The following ANK3 variants were observed in gnomAD, a reference collection of about 807,000 sequenced individuals.
The protein encoded by ANK3 is ankyrin 3, also known as ankyrin-3.
In ANK3, 57 loss-of-function variants were observed where a neutral mutation model predicts 370.9. The ratio of observed to expected loss-of-function variants is 0.15; its 90% CI spans 0.12 to 0.19. The LOEUF is 0.19. ANK3 is among the 10% of genes least tolerant of loss of function. The probability of loss-of-function intolerance (pLI) is 1.00; values close to 1 mark genes in which losing one functional copy is unlikely to be tolerated. For synonymous variants in ANK3, 1,929 were observed against 1,946.3 expected, an observed-to-expected ratio of 0.99 and a Z score of 0.23; for missense variants, 4,439 against 5,302.1, an observed-to-expected ratio of 0.84 and a Z score of 5.06.
intron 2 of ANK3, among the ~76,000 whole-genome samples, chr10:60,591,076 G>C (rs959316145): frequency 3.9e-5 from 6 of 152,076 alleles, no homozygotes; most frequent in African/African-American, 1.4e-4. Context: ...CACAGGGGTA[G>C]CAGCAGGTTA....
chr10:60,179,182 C>A (rs2096069245), intron 18 of ANK3, among the ~76,000 whole-genome samples: 1 of 152,170 alleles, frequency 6.6e-6, no homozygotes, highest in Admixed American at 6.5e-5. Flanking sequence ...AATTAAGCAG[C>A]AAATGCAAGC....
chr10:60,449,684 T>G (rs983349498), intron 2 of ANK3, among the ~76,000 whole-genome samples: 6 of 152,258 alleles, frequency 3.9e-5, no homozygotes, highest in African/African-American at 1.4e-4. Flanking sequence ...TTTCACAGAG[T>G]TGATGGGACA....
intron 2 of ANK3, among the ~76,000 whole-genome samples, chr10:60,492,706 C>CAAAAAAAAAAAAAAAAAA (rs764367710): frequency 1.0e-4 from 6 of 57,528 alleles, no homozygotes; most frequent in African/African-American, 4.5e-4. Context: ...GACTCTGTCT[C>CAAAAAAAAAAAAAAAAAA]AAAAAAAAAA....
Position 60,291,599 on chromosome 10 carries a change from C to T in ANK3, c.115-11960G>A, listed in dbSNP as rs536061942. On this transcript the variant is annotated intron_variant, in intron 1 of 43. Transcript: ENST00000280772. ...ATGCAATGCACAAATGCTTCCACTG[C>T]TAATGGTAAGTGTTTAATTTTCCAA... Among the ~76,000 whole-genome samples the T allele has an allele frequency of 1.5e-4, 23 of 152,170 alleles. No homozygotes were observed. The East Asian group carries it at 3.9e-3, about 26-fold the overall frequency.
intron 1 of ANK3, among the ~76,000 whole-genome samples, chr10:60,362,709 A>G (rs1013385733): frequency 2.0e-5 from 3 of 152,166 alleles, no homozygotes; most frequent in Non-Finnish European, 4.4e-5. Context: ...AGCTGGCTTC[A>G]GGTAACACTG....
chr10:60,304,368 G>A (rs983674324), intron 1 of ANK3, among the ~76,000 whole-genome samples: 9 of 152,000 alleles, frequency 5.9e-5, no homozygotes, highest in African/African-American at 1.9e-4. Context: ...ATTGGCTGGG[G>A]GTGGTGGCTC....
At chr10:60,614,408 C>A (rs972206378) in intron 2 of ANK3, among the ~76,000 whole-genome samples, 1 of 152,126 alleles carries the variant, frequency 6.6e-6, no homozygotes, top group Non-Finnish European at 1.5e-5. Context: ...GAGGCAGATA[C>A]TATTATTCAT....
At chr10:60,461,003 A>G (rs1193815471) in intron 2 of ANK3, among the ~76,000 whole-genome samples, 1 of 152,200 alleles carries the variant, frequency 6.6e-6, no homozygotes, top group African/African-American at 2.4e-5. Context: ...CTAGTGGAAC[A>G]CTGGCTGGAA....
intron 4 of ANK3, among the ~76,000 whole-genome samples, chr10:60,273,412 C>G (rs1228797852): frequency 6.6e-6 from 1 of 152,072 alleles, no homozygotes; most frequent in African/African-American, 2.4e-5. Flanking sequence ...TAAGTATATT[C>G]ATAAAATTGG....
At chr10:60,427,060 T>C (rs1449235163) in intron 2 of ANK3, among the ~76,000 whole-genome samples, 2 of 152,110 alleles carry the variant, frequency 1.3e-5, no homozygotes, top group Non-Finnish European at 2.9e-5. Context: ...TTGCAAGTGA[T>C]AAAGAAGGTG....
chr10:60,377,414 A>G (rs1026961373), intron 1 of ANK3, among the ~76,000 whole-genome samples: 3 of 152,252 alleles, frequency 2.0e-5, no homozygotes, highest in East Asian at 1.9e-4. Flanking sequence ...GCCAATATCA[A>G]TTATGAGCTT....
rs191141628 is a variant in ANK3 at position 60,680,124 on chromosome 10, G to A, written c.57+53139C>T. Among the ~76,000 whole-genome samples the A allele has an allele frequency of 6.8e-3, 839 of 123,748 alleles. 3 individuals carry two copies. The highest frequency in any genetic ancestry group is 0.011 in the Non-Finnish European group (673 of 59,568). 81.2% of individuals were successfully genotyped at this position (123,748 alleles called of 152,430 possible). On this transcript the variant is annotated intron_variant, in intron 1 of 43. Transcript: ENST00000373827. Reference sequence around the variant, plus strand: ...CATTACAGCCTGGGAGACATAGTGAGGCTCTGTCTCGGGAAAAAAAAAAAA... The same window carrying A: ...CATTACAGCCTGGGAGACATAGTGAAGCTCTGTCTCGGGAAAAAAAAAAAA...
At chr10:60,494,719 C>A (rs7897863) in intron 2 of ANK3, among the ~76,000 whole-genome samples, 19,583 of 151,980 alleles carry the variant, frequency 0.13, 1,453 homozygotes, top group African/African-American at 0.2. Context: ...ACATTCAAGA[C>A]GTATACACTT....
intron 1 of ANK3, among the ~76,000 whole-genome samples, chr10:60,311,987 T>C (rs1260719480): frequency 6.6e-6 from 1 of 152,248 alleles, no homozygotes; most frequent in East Asian, 1.9e-4. Flanking sequence ...GCAGGACTTT[T>C]GTCCATCTTG....
At chr10:60,706,653 T>G (rs553014738) in intron 1 of ANK3, among the ~76,000 whole-genome samples, 1 of 152,306 alleles carries the variant, frequency 6.6e-6, no homozygotes, top group East Asian at 1.9e-4. Flanking sequence ...CATCTCTCCT[T>G]CGTATTTTAG....
At chr10:60,134,936 C>A (rs2094264959) in intron 24 of ANK3, among the ~76,000 whole-genome samples, 1 of 152,154 alleles carries the variant, frequency 6.6e-6, no homozygotes, top group African/African-American at 2.4e-5. Context: ...CATTCATATT[C>A]CCTGCATGGT....
At chr10:60,436,934 A>C (rs1288925944) in intron 2 of ANK3, among the ~76,000 whole-genome samples, 1 of 152,234 alleles carries the variant, frequency 6.6e-6, no homozygotes, top group African/African-American at 2.4e-5. Context: ...GACATTGCAG[A>C]GAATCAGTTA....
chr10:60,350,050 C>A lies in ANK3; in HGVS notation c.114+39375G>T, dbSNP rs80244005. 9.1e-3 allele frequency among the ~76,000 whole-genome samples: 1,387 copies of A among 152,278 alleles called. 13 individuals are homozygous for A. Among genetic ancestry groups the A allele is most frequent in the Admixed American group, 0.018 (279 of 15,294 alleles). The stretch of plus-strand genomic sequence containing the variant: ...CGAGTGATAATCACAGTGATGGCCT[C>A]ATTTATTCAGCACTTACTAAGTGCA... On this transcript the variant is annotated intron_variant, in intron 1 of 43. Transcript: ENST00000280772.
intron 1 of ANK3, among the ~76,000 whole-genome samples, chr10:60,368,972 G>A (rs948368599): frequency 3.9e-5 from 6 of 152,150 alleles, no homozygotes; most frequent in African/African-American, 1.4e-4. Flanking sequence ...GGAACTTTCA[G>A]GGCTGATGAA....
Sources: allele counts gnomAD v4.1 joint callset (sites outside exome capture counted in the v4.1 genomes callset), GRCh38; gene constraint gnomAD v4.1.1; transcripts MANE v1.5; gene names NCBI Gene and HGNC (gene_info 2026-07-23, HGNC 2026-07-21).